SORCS3: variants seen among roughly 807,000 people sequenced by gnomAD.
SORCS3 encodes VPS10 domain-containing receptor SorCS3.
Under a neutral mutation model 146.3 loss-of-function variants are expected in SORCS3, and 57 were observed. The observed-to-expected ratio is 0.39, with a 90% CI of 0.31 to 0.49. The LOEUF (loss-of-function observed/expected upper bound fraction) is 0.49, where lower values mean the gene tolerates loss of function less well. Ranked by LOEUF, SORCS3 falls within the 20% of genes least tolerant of loss-of-function variation. The probability of loss-of-function intolerance (pLI) is 0.92; values close to 1 mark genes in which losing one functional copy is unlikely to be tolerated. For missense variants in SORCS3, 1,341 were observed against 1,575.5 expected, an observed-to-expected ratio of 0.85 and a Z score of 2.52; for synonymous variants, 653 against 618.5, an observed-to-expected ratio of 1.06 and a Z score of -0.83.
chr10:104,723,318 G>A (rs1275860043), intron 1 of SORCS3, among the ~76,000 whole-genome samples: 24 of 152,184 alleles, frequency 1.6e-4, no homozygotes, highest in Non-Finnish European at 1.9e-4. Context: ...CTGAGTTCCA[G>A]TTTGATTGCA....
rs575539791 is a variant in SORCS3, at chr10:104,703,668, G to A, written c.627+61714G>A. Among the ~76,000 whole-genome samples, 11 of 149,042 alleles carry A rather than the reference G, an allele frequency of 7.4e-5. No homozygotes were observed. The South Asian group carries it at 1.5e-3, about 20-fold the overall frequency. ...GGTGCATCAAACCACCATGTCACAC[G>A]TATACCTATGTAACAAACCTGCACA... On this transcript the variant is annotated intron_variant, in intron 1 of 26. Coordinates refer to ENST00000369701, the MANE Select transcript of SORCS3 (RefSeq NM_014978.3).
intron 1 of SORCS3, among the ~76,000 whole-genome samples, chr10:104,642,526 C>G (rs1176409797): frequency 6.6e-6 from 1 of 152,030 alleles, no homozygotes; most frequent in East Asian, 1.9e-4. Context: ...GCCAAGTCGG[C>G]CCCCAGCCTT....
intron 2 of SORCS3, among the ~76,000 whole-genome samples, chr10:104,883,363 A>G (rs190168066): frequency 6.6e-6 from 1 of 152,342 alleles, no homozygotes; most frequent in East Asian, 1.9e-4. Flanking sequence ...CTATTGGTGA[A>G]TGGAGACACT....
chr10:104,993,289 C>T (rs887520920), intron 4 of SORCS3, among the ~76,000 whole-genome samples: 12 of 152,346 alleles, frequency 7.9e-5, no homozygotes, highest in African/African-American at 2.6e-4. Context: ...GGATAATCAC[C>T]TTCCTTTGTG....
intron 2 of SORCS3, among the ~76,000 whole-genome samples, chr10:104,885,865 T>C (rs2018676972): frequency 6.6e-6 from 1 of 152,174 alleles, no homozygotes; most frequent in South Asian, 2.1e-4. Flanking sequence ...AACAGTGATA[T>C]GAGAATATTT....
intron 2 of SORCS3, among the ~76,000 whole-genome samples, chr10:104,875,702 G>C (rs1053642146): frequency 6.6e-6 from 1 of 152,098 alleles, no homozygotes; most frequent in African/African-American, 2.4e-5. Context: ...ATTGCCGCTG[G>C]CCTGCCCATG....
intron 1 of SORCS3, among the ~76,000 whole-genome samples, chr10:104,803,893 T>C (rs1284777134): frequency 2.0e-5 from 3 of 152,166 alleles, no homozygotes; most frequent in Non-Finnish European, 4.4e-5. Flanking sequence ...AATTTACTGC[T>C]GTCACAGGGA....
At chr10:105,205,819 G>T (rs2056599004) in intron 16 of SORCS3, among the ~76,000 whole-genome samples, 1 of 152,156 alleles carries the variant, frequency 6.6e-6, no homozygotes, top group Non-Finnish European at 1.5e-5. Context: ...ACTCCCAGAA[G>T]GAGAGTCTGC....
intron 13 of SORCS3, among the ~76,000 whole-genome samples, chr10:105,170,042 G>T (rs1021400136): frequency 1.3e-5 from 2 of 152,120 alleles, no homozygotes; most frequent in Non-Finnish European, 2.9e-5. Context: ...TTCTGCAGAA[G>T]TTTCCTTGTG....
rs530172268 is a variant in SORCS3 at position 105,022,887 on chromosome 10, G to T, written c.955-20168G>T. Among the ~76,000 whole-genome samples, 22 of 152,200 alleles carry T rather than the reference G, an allele frequency of 1.4e-4. No individual in the cohort carries two copies. The East Asian group carries it at 4.3e-3, about 29-fold the overall frequency. ...ACTTGAGTTTTAAAACAGCACTAAG[G>T]TGCCTTGATGATCACTGAGGCTGTG... On this transcript the variant is annotated intron_variant, in intron 4 of 26. Coordinates refer to ENST00000369701, the MANE Select transcript of SORCS3 (RefSeq NM_014978.3).
chr10:105,256,974 A>G (rs972081945), intron 25 of SORCS3, 50 bp downstream of exon 25: 2 of 1,300,066 alleles, frequency 1.5e-6, no homozygotes, highest in Middle Eastern at 1.8e-4. Context: ...GTCATTGCAA[A>G]TGATTCTTCC....
In SORCS3 at chr10:104,977,431, C is replaced by T. The variant is rs1457191902; in HGVS notation, c.892C>T (p.Gln298Ter). The T allele has an allele frequency of 6.2e-7, 1 of 1,613,760 alleles. No individual in the cohort carries two copies. The highest frequency in any genetic ancestry group is 8.5e-7 in the Non-Finnish European group (1 of 1,179,866). The change falls in exon 4 of 27, where the codon CAG becomes TAG. Residue 298 changes from glutamine to a stop codon, truncating the protein, a stop_gained. Transcript: ENST00000369701. LOFTEE classifies it high-confidence loss of function. ...GAAGTATCGGCTCACCTTCTATATC[C>T]AGAGCCTGCTCTTTCATCCCAAGCA... is the stretch of plus-strand genomic sequence containing the variant. ...YQKYRLTFYI[Q>*]SLLFHPKQED...
intron 1 of SORCS3, among the ~76,000 whole-genome samples, chr10:104,789,686 C>T (rs1418255561): frequency 6.6e-6 from 1 of 151,946 alleles, no homozygotes; most frequent in Non-Finnish European, 1.5e-5. Context: ...GCAATGGATG[C>T]ACAATGTTTA....
At chr10:104,656,495 A>G (rs2015632433) in intron 1 of SORCS3, among the ~76,000 whole-genome samples, 2 of 152,026 alleles carry the variant, frequency 1.3e-5, no homozygotes, top group Admixed American at 1.3e-4. Context: ...CAAAAAATAC[A>G]CACACAAACA....
intron 9 of SORCS3, among the ~76,000 whole-genome samples, chr10:105,152,487 C>T (rs1463386695): frequency 6.6e-6 from 1 of 151,984 alleles, no homozygotes; most frequent in Non-Finnish European, 1.5e-5. Context: ...TTACATGTCC[C>T]ATGAATCTCA....
chr10:104,831,415 C>G (rs993780268), intron 1 of SORCS3, among the ~76,000 whole-genome samples: 2 of 152,124 alleles, frequency 1.3e-5, no homozygotes, highest in Non-Finnish European at 2.9e-5. Flanking sequence ...TGGAATTACC[C>G]CAAAAGTGAT....
rs1158077647 is a variant in SORCS3, at chr10:104,913,343, T to G, written c.696-2490T>G. On this transcript the variant is annotated intron_variant, in intron 2 of 26. Transcript: ENST00000369701. ...ATGGAAAGGATACCAGGGGTCTAAG[T>G]TTTTTAGGAAATAGCATTATTAAGA... 1.2e-4 allele frequency among the ~76,000 whole-genome samples: 19 copies of G among 152,198 alleles called. No individual in the cohort carries two copies. In the East Asian group the frequency reaches 2.7e-3, roughly 22 times the overall value.
At chr10:104,649,056 A>C (rs989766900) in intron 1 of SORCS3, among the ~76,000 whole-genome samples, 1 of 152,176 alleles carries the variant, frequency 6.6e-6, no homozygotes. Flanking sequence ...TAGGATAATC[A>C]AGGATTATAT....
intron 6 of SORCS3, among the ~76,000 whole-genome samples, chr10:105,103,650 A>G (rs189487035): frequency 5.9e-5 from 9 of 152,320 alleles, no homozygotes; most frequent in Admixed American, 3.9e-4. Flanking sequence ...GGGATGCAGA[A>G]GAAAGAAAAG....
Sources: gnomAD v4.1 joint callset for allele counts (sites outside exome capture counted in the v4.1 genomes callset) on GRCh38, gnomAD v4.1.1 for gene constraint, MANE v1.5 for transcripts, NCBI Gene and HGNC (gene_info 2026-07-23, HGNC 2026-07-21) for gene names.